The following CCDC171 variants were observed in gnomAD, a reference collection of about 807,000 sequenced individuals.
CCDC171 encodes coiled-coil domain-containing protein 171.
CCDC171 carries 177 observed loss-of-function variants against 168.2 expected under a neutral mutation model. The observed-to-expected ratio is 1.05, with a 90% CI of 0.93 to 1.19. The LOEUF (loss-of-function observed/expected upper bound fraction) is 1.19, where lower values mean the gene tolerates loss of function less well. Among genes scored for constraint, CCDC171 ranks in the 50% most tolerant of loss-of-function variants. CCDC171 has a pLI of 0.00. For synonymous variants in CCDC171, 687 were observed against 540.8 expected (o/e 1.27, Z -3.75); for missense variants, 1,991 against 1,539.0 (o/e 1.29, Z -4.91).
At chr9:16,055,176 G>T (rs1833817970) in intron 1 of CCDC171, among the ~76,000 whole-genome samples, 1 of 152,238 alleles carries the variant, frequency 6.6e-6, no homozygotes, top group South Asian at 2.1e-4. Flanking sequence ...ATGGAGATGG[G>T]GGAACTGTAG....
chr9:16,092,546 A>G, the CCDC171 span, among the ~76,000 whole-genome samples: 3 of 152,184 alleles, frequency 2.0e-5, no homozygotes, highest in African/African-American at 7.2e-5. Flanking sequence ...ATTTGCTAAC[A>G]GAGGTTCTTT....
intron 6 of CCDC171, among the ~76,000 whole-genome samples, chr9:15,603,841 A>G (rs1445749159): frequency 6.6e-6 from 1 of 152,180 alleles, no homozygotes; most frequent in Non-Finnish European, 1.5e-5. Context: ...GTCTTCCACA[A>G]TGGTTGAAGT....
intron 1 of CCDC171, among the ~76,000 whole-genome samples, chr9:16,057,160 T>C (rs1174463882): frequency 6.6e-6 from 1 of 152,182 alleles, no homozygotes; most frequent in Non-Finnish European, 1.5e-5. Context: ...ACACAAGGAG[T>C]TCATATCATG....
chr9:15,830,269 C>T (rs1368647257), intron 21 of CCDC171, among the ~76,000 whole-genome samples: 2 of 152,134 alleles, frequency 1.3e-5, no homozygotes, highest in Non-Finnish European at 2.9e-5. Context: ...ATGAAAGACT[C>T]ATCTGATCTA....
the CCDC171 span, among the ~76,000 whole-genome samples, chr9:16,105,769 A>G: frequency 6.6e-6 from 1 of 152,260 alleles, no homozygotes; most frequent in East Asian, 1.9e-4. Flanking sequence ...GTTGCTAACC[A>G]ACACGGTTTT....
chr9:15,905,433 A>G (rs888853516), intron 24 of CCDC171, among the ~76,000 whole-genome samples: 2 of 152,204 alleles, frequency 1.3e-5, no homozygotes, highest in Admixed American at 6.5e-5. Flanking sequence ...CTGGGTACAT[A>G]ATGAAATGAG....
chr9:16,051,433 C>T (rs1833747853), intron 1 of CCDC171, among the ~76,000 whole-genome samples: 1 of 152,156 alleles, frequency 6.6e-6, no homozygotes, highest in African/African-American at 2.4e-5. Flanking sequence ...CTCTGGTCAC[C>T]AAGGCCTGGG....
chr9:15,972,028 G>C lies in CCDC171; in HGVS notation c.*192G>C, dbSNP rs574879797. On this transcript the variant is annotated 3_prime_UTR_variant, in exon 26 of 26. Coordinates refer to ENST00000380701, the MANE Select transcript of CCDC171 (RefSeq NM_173550.4). ...AAATAGCCAACTTTTTTCTCTCCAA[G>C]TTTTATTTGTTATCACAGTTGCTCA... 7 of 516,110 alleles carry C rather than the reference G, an allele frequency of 1.4e-5. No homozygotes were observed. In the African/African-American group the frequency reaches 1.4e-4, roughly 10 times the overall value. The allele number at this position is 516,110 out of a possible 1,614,324, so 32.0% of individuals were successfully genotyped here.
chr9:16,041,024 G>A (rs942015637), upstream of CCDC171, among the ~76,000 whole-genome samples: 1 of 151,230 alleles, frequency 6.6e-6, no homozygotes, highest in African/African-American at 2.5e-5. Context: ...AGCAGCTACT[G>A]TGTGTGTAGC....
chr9:15,697,500 G>A (rs986254120), intron 11 of CCDC171, among the ~76,000 whole-genome samples: 1 of 151,990 alleles, frequency 6.6e-6, no homozygotes, highest in Middle Eastern at 3.2e-3. Flanking sequence ...CCTCCTATTG[G>A]CTTGCATAAA....
intron 3 of CCDC171, among the ~76,000 whole-genome samples, chr9:15,995,800 T>C (rs1202455787): frequency 6.6e-6 from 1 of 152,228 alleles, no homozygotes; most frequent in African/African-American, 2.4e-5. Flanking sequence ...TCAGTTTCCT[T>C]CAGTTTTCAG....
intron 13 of CCDC171, 86 bp from the exon 14 acceptor site, chr9:15,724,690 A>C: frequency 1.3e-6 from 1 of 765,088 alleles, no homozygotes; most frequent in Non-Finnish European, 2.2e-6. Context: ...AGCTTTGAAA[A>C]TGTTCAATAT....
chr9:16,092,841 G>A, the CCDC171 span, among the ~76,000 whole-genome samples: 1 of 152,228 alleles, frequency 6.6e-6, no homozygotes, highest in Non-Finnish European at 1.5e-5. Context: ...TGTGTCCCCA[G>A]GGGTGGGTGG....
intron 24 of CCDC171, among the ~76,000 whole-genome samples, chr9:15,900,405 A>G (rs546717069): frequency 3.3e-5 from 5 of 152,264 alleles, no homozygotes; most frequent in East Asian, 1.9e-4. Context: ...CTTTTTCACA[A>G]TGGCAAGTAA....
At chr9:15,759,183 CAT>C (rs547950030) in intron 18 of CCDC171, among the ~76,000 whole-genome samples, 82 of 152,226 alleles carry the variant, frequency 5.4e-4, no homozygotes, top group African/African-American at 1.9e-3. Context: ...TTGATAATAT[CAT>C]AGAGTACATA....
intron 16 of CCDC171, among the ~76,000 whole-genome samples, chr9:15,732,567 T>C (rs1421835060): frequency 6.6e-6 from 1 of 152,148 alleles, no homozygotes; most frequent in Non-Finnish European, 1.5e-5. Flanking sequence ...TTGGGTCTGG[T>C]TACTTTCACT....
chr9:15,872,331 CAGCTTA>C (rs2062074992), intron 23 of CCDC171, among the ~76,000 whole-genome samples: 1 of 151,948 alleles, frequency 6.6e-6, no homozygotes. Context: ...CAAGATGCCA[CAGCTTA>C]ACAATGTTCA....
At chr9:16,078,526 G>A in the CCDC171 span, among the ~76,000 whole-genome samples, 1 of 152,146 alleles carries the variant, frequency 6.6e-6, no homozygotes. Context: ...TGCTGATGGG[G>A]CTTCTCTATC....
At chr9:15,666,406 T>G in intron 9 of CCDC171, 83 bp downstream of exon 9, 1 of 928,822 alleles carries the variant, frequency 1.1e-6, no homozygotes, top group Non-Finnish European at 1.6e-6. Context: ...TACTATGTAT[T>G]TTAGATATAG....
Sources: allele counts gnomAD v4.1 joint callset (sites outside exome capture counted in the v4.1 genomes callset), GRCh38; gene constraint gnomAD v4.1.1; transcripts MANE v1.5; gene names NCBI Gene and HGNC (gene_info 2026-07-23, HGNC 2026-07-21).